The following CD109 variants were observed in gnomAD, a reference collection of about 807,000 sequenced individuals.
CD109 encodes CD109 antigen.
Under a neutral mutation model 165.8 loss-of-function variants are expected in CD109, and 149 were observed. The ratio of observed to expected loss-of-function variants is 0.90; its 90% CI spans 0.79 to 1.03. CD109 has a LOEUF of 1.03. Ranked by LOEUF, CD109 falls within the 50% of genes least tolerant of loss-of-function variation. The pLI, the probability that CD109 is intolerant of heterozygous loss-of-function variation, is 0.00. For synonymous variants in CD109, 585 were observed against 592.1 expected, an observed-to-expected ratio of 0.99 and a Z score of 0.18; for missense variants, 1,712 against 1,677.8, an observed-to-expected ratio of 1.02 and a Z score of -0.36.
chr6:73,818,237 C>A, intron 30 of CD109, 151 bp from the exon 31 acceptor site: 1 of 713,794 alleles, frequency 1.4e-6, no homozygotes, highest in Non-Finnish European at 2.3e-6. Flanking sequence ...AAATGATAAC[C>A]TGTTTTAAAA....
Position 73,736,460 on chromosome 6 carries a change from A to T in CD109, c.585A>T (p.Leu195=). Residue 195 remains leucine (L), a synonymous_variant, in exon 5 of 33, where the codon CTA becomes CTT. Coordinates refer to ENST00000287097, the MANE Select transcript of CD109 (RefSeq NM_133493.5). The part of the protein sequence containing the change: ...DLGVISKTFQ[L]SSHPILGDWS... ...GAGTCATTTCCAAAACTTTTCAGCT[A>T]TCTTCCCATCCAATACTTGGTGACT... 1 of 1,613,886 alleles carries T rather than the reference A, an allele frequency of 6.2e-7. No homozygotes were observed. Among genetic ancestry groups the T allele is most frequent in the Admixed American group, 1.7e-5 (1 of 59,998 alleles).
At position 73,770,461 on chromosome 6, in the gene CD109, G is replaced by A. The variant is rs563833673; in HGVS notation, c.1675-968G>A. Among the ~76,000 whole-genome samples the A allele has an allele frequency of 2.8e-4, 42 of 152,270 alleles. No individual in the cohort carries two copies. The South Asian group carries it at 8.5e-3, about 31-fold the overall frequency. ...CTAGATGAAATGAAAATTCCCAGCAGGGGCCAGGCACTGTGGCTCACGCCT... is the reference window on the plus strand; with the variant it reads ...CTAGATGAAATGAAAATTCCCAGCAAGGGCCAGGCACTGTGGCTCACGCCT... On this transcript the variant is annotated intron_variant, in intron 14 of 32. Transcript: ENST00000287097.
At chr6:73,696,377 C>T in intron 1 of CD109, 88 bp downstream of exon 1, 1 of 1,140,412 alleles carries the variant, frequency 8.8e-7, no homozygotes, top group Non-Finnish European at 1.1e-6. Context: ...GAGGTGGCGG[C>T]TGCTGTGCAG....
chr6:73,707,744 T>C (rs1562021681), intron 2 of CD109, among the ~76,000 whole-genome samples: 1 of 152,082 alleles, frequency 6.6e-6, no homozygotes. Flanking sequence ...GAATACTTAG[T>C]TCCAAGAAAT....
At chr6:73,808,415 C>G (rs1192377366) in intron 26 of CD109, among the ~76,000 whole-genome samples, 167 bp downstream of exon 26, 1 of 152,140 alleles carries the variant, frequency 6.6e-6, no homozygotes, top group Non-Finnish European at 1.5e-5. Context: ...TGCTTCTGGT[C>G]TCCCCAGGGT....
upstream of CD109, chr6:73,695,731 C>G (rs957239329): frequency 5.8e-6 from 1 of 172,290 alleles, no homozygotes; most frequent in African/African-American, 2.4e-5. Context: ...TGCCGTTTCT[C>G]TAAAATTCTG....
intron 5 of CD109, among the ~76,000 whole-genome samples, chr6:73,750,337 G>C: frequency 6.6e-6 from 1 of 152,174 alleles, no homozygotes; most frequent in East Asian, 1.9e-4. Flanking sequence ...GCAAAGCAGA[G>C]AAGCCATCCA....
At position 73,792,637 on chromosome 6, in the gene CD109, G is replaced by T; in HGVS notation, c.2713G>T (p.Gly905Cys). 2 of 1,612,742 alleles carry T rather than the reference G, an allele frequency of 1.2e-6. No individual in the cohort carries two copies. Among genetic ancestry groups the T allele is most frequent in the South Asian group, 1.1e-5 (1 of 90,892 alleles). ...VQITAIGDVL[G>C]PSINGLASLI... ...TCTTGTGCTTCCAGGAGATGTTCTT[G>T]GTCCTTCCATCAATGGCTTAGCCTC... Residue 905 changes from glycine (G) to cysteine (C), a missense_variant, in exon 23 of 33, where the codon GGT becomes TGT. Coordinates refer to ENST00000287097, the MANE Select transcript of CD109 (RefSeq NM_133493.5).
At chr6:73,785,263 A>C in intron 19 of CD109, 101 bp from the exon 20 acceptor site, 2 of 667,240 alleles carry the variant, frequency 3.0e-6, no homozygotes, top group Non-Finnish European at 5.3e-6. Flanking sequence ...TTCTAGCTGA[A>C]GTTAAAAGCT....
chr6:73,718,742 ATAATACT>A (rs1371586897), intron 2 of CD109, among the ~76,000 whole-genome samples: 1 of 152,106 alleles, frequency 6.6e-6, no homozygotes, highest in Admixed American at 6.6e-5. Context: ...AATAAGGGTA[ATAATACT>A]TAATAGTATT....
chr6:73,762,672 G>A, intron 8 of CD109, 69 bp from the exon 9 acceptor site: 2 of 1,294,098 alleles, frequency 1.5e-6, no homozygotes, highest in South Asian at 2.8e-5. Flanking sequence ...TTGTGACTTA[G>A]TTTGAGTTTT....
intron 2 of CD109, among the ~76,000 whole-genome samples, chr6:73,700,899 T>C (rs2150145595): frequency 6.8e-6 from 1 of 147,140 alleles, no homozygotes; most frequent in East Asian, 2.1e-4. Context: ...CCTCCCTGGT[T>C]CAAGCGATTC....
chr6:73,723,349 T>C (rs1772030203), intron 3 of CD109, 70 bp downstream of exon 3: 1 of 1,165,964 alleles, frequency 8.6e-7, no homozygotes, highest in Non-Finnish European at 1.3e-6. Context: ...ATTAATATTT[T>C]ATTGGATTTT....
chr6:73,768,039 C>A lies in CD109; in HGVS notation c.1498-16C>A. On this transcript the variant is annotated splice_polypyrimidine_tract_variant and intron_variant, in intron 13 of 32. Transcript: ENST00000287097. ...AGGTTTGGCAATAAATTAAACCCAT[C>A]TACTGTTCTTTTCAGGTAGTATCCA... 1.2e-6 allele frequency: 2 copies of A among 1,606,280 alleles called. No homozygotes were observed. The highest frequency in any genetic ancestry group is 8.5e-7 in the Non-Finnish European group (1 of 1,174,500).
intron 5 of CD109, among the ~76,000 whole-genome samples, chr6:73,752,074 T>C (rs1351016150): frequency 6.6e-6 from 1 of 152,182 alleles, no homozygotes; most frequent in Admixed American, 6.5e-5. Context: ...ATCCAGACAC[T>C]GGAGAGTAGT....
intron 5 of CD109, among the ~76,000 whole-genome samples, chr6:73,750,584 C>A (rs951458621): frequency 6.6e-6 from 1 of 152,064 alleles, no homozygotes; most frequent in Non-Finnish European, 1.5e-5. Context: ...CAATAAAGCG[C>A]ATAAATAGCT....
intron 14 of CD109, among the ~76,000 whole-genome samples, chr6:73,768,763 T>A (rs1056068853): frequency 6.6e-6 from 1 of 152,198 alleles, no homozygotes; most frequent in African/African-American, 2.4e-5. Flanking sequence ...TTTTATAGCC[T>A]AATGTGACCA....
chr6:73,806,862 A>G lies in CD109; in HGVS notation c.2979A>G (p.Leu993=), dbSNP rs759525956. The G allele has an allele frequency of 6.2e-7, 1 of 1,612,902 alleles. No individual in the cohort carries two copies. The highest frequency in any genetic ancestry group is 8.5e-7 in the Non-Finnish European group (1 of 1,179,352). ...SGSTWLSAFV[L]RCFLEADPYI... ...CATAAAGGTTGTCAGCTTTTGTTTT[A>G]AGATGTTTCCTTGAAGCCGATCCTT... is the stretch of plus-strand genomic sequence containing the variant. Residue 993 remains leucine, a synonymous_variant, in exon 25 of 33, where the codon TTA becomes TTG. Transcript: ENST00000287097.
chr6:73,791,328 A>G (rs1471748923), intron 22 of CD109, among the ~76,000 whole-genome samples: 1 of 150,512 alleles, frequency 6.6e-6, no homozygotes, highest in Non-Finnish European at 1.5e-5. Flanking sequence ...CCCTTGCATA[A>G]CTGGGACTAC....
Sources: allele counts gnomAD v4.1 joint callset (sites outside exome capture counted in the v4.1 genomes callset), GRCh38; gene constraint gnomAD v4.1.1; transcripts MANE v1.5; gene names NCBI Gene and HGNC (gene_info 2026-07-23, HGNC 2026-07-21).